Variants in CA10 observed in about 807,000 individuals in gnomAD.
CA10 encodes carbonic anhydrase 10 (inactive), also known as carbonic anhydrase-related protein 10.
A neutral mutation model predicts 44.2 loss-of-function variants in CA10; 14 were observed. The ratio of observed to expected loss-of-function variants is 0.32; its 90% CI spans 0.21 to 0.50. The LOEUF is 0.50. CA10 is among the 20% of genes least tolerant of loss of function. The pLI is 0.99. For missense variants in CA10, 350 were observed against 409.7 expected, an observed-to-expected ratio of 0.85 and a Z score of 1.26; for synonymous variants, 159 against 141.6, an observed-to-expected ratio of 1.12 and a Z score of -0.87.
intron 4 of CA10, among the ~76,000 whole-genome samples, chr17:51,742,906 T>A (rs940616787): frequency 6.6e-6 from 1 of 152,210 alleles, no homozygotes; most frequent in Non-Finnish European, 1.5e-5. Context: ...TAATGCTATC[T>A]AGTGAGAGCT....
intron 4 of CA10, among the ~76,000 whole-genome samples, chr17:51,682,649 T>G (rs1597983207): frequency 6.6e-6 from 1 of 152,154 alleles, no homozygotes; most frequent in Non-Finnish European, 1.5e-5. Context: ...AAAGGCTTCA[T>G]CCCATTTACC....
intron 3 of CA10, among the ~76,000 whole-genome samples, chr17:51,890,684 A>G (rs1980817311): frequency 6.6e-6 from 1 of 152,186 alleles, no homozygotes; most frequent in Non-Finnish European, 1.5e-5. Flanking sequence ...TTTGGACTCA[A>G]ACCATAGTTT....
At chr17:51,900,921 T>C (rs1211578776) in intron 3 of CA10, among the ~76,000 whole-genome samples, 1 of 152,184 alleles carries the variant, frequency 6.6e-6, no homozygotes, top group Non-Finnish European at 1.5e-5. Context: ...CATTTTGTTA[T>C]ATTCCTTAGA....
chr17:51,901,897 C>T (rs1981333307), intron 3 of CA10, among the ~76,000 whole-genome samples: 1 of 152,010 alleles, frequency 6.6e-6, no homozygotes, highest in South Asian at 2.1e-4. Context: ...ATAATGTTAC[C>T]AAGAGTTTAA....
intron 3 of CA10, among the ~76,000 whole-genome samples, chr17:51,858,451 A>T (rs1292986958): frequency 6.6e-6 from 1 of 152,178 alleles, no homozygotes; most frequent in Admixed American, 6.5e-5. Context: ...TTCAAGCAAC[A>T]AAACAGTCAG....
intron 1 of CA10, among the ~76,000 whole-genome samples, chr17:52,140,955 CA>C (rs1989465686): frequency 6.6e-6 from 1 of 152,170 alleles, no homozygotes; most frequent in South Asian, 2.1e-4. Context: ...TCTCAATCAT[CA>C]GGGGGAAAGT....
intron 1 of CA10, among the ~76,000 whole-genome samples, chr17:52,073,613 C>T (rs147833812): frequency 5.3e-5 from 8 of 152,274 alleles, no homozygotes; most frequent in Non-Finnish European, 1.0e-4. Flanking sequence ...GAAAAAATAA[C>T]ACCTTTAAAT....
At chr17:51,650,289 C>T (rs1006049520) in intron 5 of CA10, among the ~76,000 whole-genome samples, 5 of 152,154 alleles carry the variant, frequency 3.3e-5, no homozygotes, top group South Asian at 2.1e-4. Context: ...CCTTGCTTAG[C>T]TCTGCTCTGT....
chr17:51,956,788 C>G (rs934324220), intron 2 of CA10, among the ~76,000 whole-genome samples: 1 of 151,916 alleles, frequency 6.6e-6, no homozygotes, highest in African/African-American at 2.4e-5. Context: ...ATTCTTTAGA[C>G]CTACAAAAAA....
chr17:51,696,441 C>T (rs1029385955), intron 4 of CA10, among the ~76,000 whole-genome samples: 3 of 152,018 alleles, frequency 2.0e-5, no homozygotes, highest in East Asian at 1.9e-4. Context: ...ATGTTACCTT[C>T]GCAGTTTCTG....
intron 1 of CA10, among the ~76,000 whole-genome samples, chr17:52,154,586 C>T (rs1025720220): frequency 2.6e-5 from 4 of 152,140 alleles, no homozygotes; most frequent in Non-Finnish European, 2.9e-5. Context: ...TCTTGCAGTA[C>T]ACGGAAAAAT....
At chr17:51,795,101 T>C (rs761199805) in intron 3 of CA10, among the ~76,000 whole-genome samples, 10 of 152,158 alleles carry the variant, frequency 6.6e-5, no homozygotes, top group Non-Finnish European at 1.3e-4. Context: ...TGAAGCTTCA[T>C]TGTGTGGGTG....
intron 2 of CA10, among the ~76,000 whole-genome samples, chr17:51,983,186 C>T (rs1448315313): frequency 1.3e-5 from 2 of 151,734 alleles, no homozygotes; most frequent in Admixed American, 1.3e-4. Flanking sequence ...CTAACTCTGT[C>T]CAGATTACTC....
intron 3 of CA10, among the ~76,000 whole-genome samples, chr17:51,888,395 T>A (rs1035457674): frequency 2.7e-4 from 41 of 152,206 alleles, no homozygotes; most frequent in African/African-American, 9.2e-4. Context: ...TGTAGATTTC[T>A]CCAAACTAAA....
At chr17:51,690,723 T>A (rs555807389) in intron 4 of CA10, among the ~76,000 whole-genome samples, 2 of 152,242 alleles carry the variant, frequency 1.3e-5, no homozygotes, top group Non-Finnish European at 2.9e-5. Flanking sequence ...CCCAGCCATA[T>A]GGAACTGTGA....
intron 3 of CA10, among the ~76,000 whole-genome samples, chr17:51,755,955 T>C (rs1328068222): frequency 6.6e-6 from 1 of 152,226 alleles, no homozygotes; most frequent in Non-Finnish European, 1.5e-5. Flanking sequence ...ATGTCCTTTT[T>C]ATTTATTTAC....
intron 3 of CA10, among the ~76,000 whole-genome samples, chr17:51,876,720 T>C (rs1412733778): frequency 6.6e-6 from 1 of 152,144 alleles, no homozygotes; most frequent in Non-Finnish European, 1.5e-5. Context: ...AGTGACTTAC[T>C]GAAGACTTCA....
intron 3 of CA10, among the ~76,000 whole-genome samples, chr17:51,861,171 A>G (rs1162902477): frequency 6.6e-6 from 1 of 152,154 alleles, no homozygotes; most frequent in Non-Finnish European, 1.5e-5. Flanking sequence ...GCGAGGCCAG[A>G]GGACACGGGA....
At chr17:51,952,674 C>G (rs1269164741) in intron 2 of CA10, among the ~76,000 whole-genome samples, 5 of 152,062 alleles carry the variant, frequency 3.3e-5, no homozygotes, top group South Asian at 4.1e-4. Flanking sequence ...AACACTTGGT[C>G]CAGCTCTTTT....
Sources: gnomAD v4.1 joint callset for allele counts (sites outside exome capture counted in the v4.1 genomes callset) on GRCh38, gnomAD v4.1.1 for gene constraint, MANE v1.5 for transcripts, NCBI Gene and HGNC (gene_info 2026-07-23, HGNC 2026-07-21) for gene names.